The following IQCM variants were observed in gnomAD, a reference collection of about 807,000 sequenced individuals.
IQCM encodes IQ domain-containing protein M.
IQCM carries 45 observed loss-of-function variants against 57.6 expected under a neutral mutation model. The ratio of observed to expected loss-of-function variants is 0.78; its 90% CI spans 0.62 to 1.00. The LOEUF (loss-of-function observed/expected upper bound fraction) is 1.00. Ranked by LOEUF, IQCM falls within the 50% of genes least tolerant of loss-of-function variation. IQCM has a pLI of 0.00. For missense variants in IQCM, 468 were observed against 511.6 expected (o/e 0.91, Z 0.82); for synonymous variants, 148 against 158.9 (o/e 0.93, Z 0.51).
At chr4:149,747,268 G>A (rs1768014436) in intron 2 of IQCM, among the ~76,000 whole-genome samples, 1 of 152,160 alleles carries the variant, frequency 6.6e-6, no homozygotes, top group East Asian at 1.9e-4. Context: ...AATGTGCAAA[G>A]GTATACAGTC....
chr4:149,649,224 C>T (rs1758939789), intron 7 of IQCM, among the ~76,000 whole-genome samples: 1 of 151,928 alleles, frequency 6.6e-6, no homozygotes, highest in Non-Finnish European at 1.5e-5. Flanking sequence ...GGGTCCTTTC[C>T]TTAACAGTTC....
chr4:149,526,275 C>T lies in IQCM; in HGVS notation c.1228+22180G>A, dbSNP rs1026196484. Among the ~76,000 whole-genome samples, 44 of 151,974 alleles carry T rather than the reference C, an allele frequency of 2.9e-4. 1 individual carries two copies. The highest frequency in any genetic ancestry group is 9.2e-4 in the African/African-American group (38 of 41,522). On this transcript the variant is annotated intron_variant, in intron 12 of 13. Coordinates refer to ENST00000636793, the MANE Select transcript of IQCM (RefSeq NM_001363507.2). The stretch of plus-strand genomic sequence containing the variant: ...TAAATTCTGACTAACTGGAGAATGA[C>T]TGAATAGAATGGGGTATATTTATAT...
intron 5 of IQCM, among the ~76,000 whole-genome samples, chr4:149,723,386 CA>C (rs1157113589): frequency 6.6e-6 from 1 of 151,956 alleles, no homozygotes; most frequent in Non-Finnish European, 1.5e-5. Flanking sequence ...GAAATGTTTT[CA>C]ACCTTTCATT....
intron 13 of IQCM, among the ~76,000 whole-genome samples, chr4:149,403,051 C>G (rs942389174): frequency 2.6e-4 from 39 of 152,030 alleles, no homozygotes; most frequent in African/African-American, 9.4e-4. Flanking sequence ...CCTCAGATGT[C>G]ATTCGTATTT....
intron 12 of IQCM, among the ~76,000 whole-genome samples, chr4:149,495,409 T>C (rs1028920667): frequency 1.3e-5 from 2 of 152,090 alleles, no homozygotes; most frequent in Non-Finnish European, 2.9e-5. Flanking sequence ...GTCTAGAATA[T>C]AGTGACAAGC....
At chr4:149,353,866 C>T (rs1228046401) in intron 13 of IQCM, among the ~76,000 whole-genome samples, 1 of 152,096 alleles carries the variant, frequency 6.6e-6, no homozygotes, top group Non-Finnish European at 1.5e-5. Flanking sequence ...AATGCTCAAC[C>T]TGAGGACCAC....
intron 12 of IQCM, among the ~76,000 whole-genome samples, chr4:149,526,073 A>G (rs185937976): frequency 7.4e-4 from 112 of 152,066 alleles, no homozygotes; most frequent in Non-Finnish European, 1.4e-3. Context: ...TAGAAATAAA[A>G]AGATGTGCTC....
At chr4:149,357,741 A>T (rs1022837215) in intron 13 of IQCM, among the ~76,000 whole-genome samples, 1 of 152,190 alleles carries the variant, frequency 6.6e-6, no homozygotes, top group Admixed American at 6.5e-5. Flanking sequence ...CTTTGGTATC[A>T]GGATGATGTT....
At chr4:149,742,581 A>G (rs750571809) in intron 3 of IQCM, 74 bp downstream of exon 3, 1 of 833,078 alleles carries the variant, frequency 1.2e-6, no homozygotes, top group Non-Finnish European at 1.6e-6. Context: ...AGGGTCACTA[A>G]TTAATAGAAA....
At chr4:149,446,520 GA>G (rs1329111878) in intron 12 of IQCM, among the ~76,000 whole-genome samples, 1 of 151,608 alleles carries the variant, frequency 6.6e-6, no homozygotes, top group Non-Finnish European at 1.5e-5. Context: ...AGGCATGTGG[GA>G]AAACTTGAGA....
chr4:149,575,160 C>T (rs1213824079), intron 9 of IQCM, among the ~76,000 whole-genome samples: 1 of 151,894 alleles, frequency 6.6e-6, no homozygotes, highest in African/African-American at 2.4e-5. Context: ...ACATGTGATA[C>T]TCTTGTGCTT....
chr4:149,359,237 A>T (rs1729302376), intron 13 of IQCM, among the ~76,000 whole-genome samples: 1 of 152,158 alleles, frequency 6.6e-6, no homozygotes, highest in Admixed American at 6.6e-5. Context: ...ATGTCATAAA[A>T]GCATATTTTA....
intron 9 of IQCM, among the ~76,000 whole-genome samples, chr4:149,579,994 G>A (rs1046238673): frequency 6.6e-6 from 1 of 151,782 alleles, no homozygotes; most frequent in African/African-American, 2.4e-5. Flanking sequence ...CTCTAGCTTA[G>A]TACTCAAAGT....
intron 10 of IQCM, among the ~76,000 whole-genome samples, chr4:149,555,360 T>G (rs17026306): frequency 0.021 from 3,110 of 146,538 alleles, 62 homozygotes; most frequent in African/African-American, 0.049. Flanking sequence ...CCTCTTCTGT[T>G]GCTAGGATGC....
intron 12 of IQCM, among the ~76,000 whole-genome samples, chr4:149,462,434 T>A (rs1328194935): frequency 6.6e-6 from 1 of 152,144 alleles, no homozygotes; most frequent in Non-Finnish European, 1.5e-5. Context: ...TCCCTGACCA[T>A]CTAAAAACAT....
intron 13 of IQCM, among the ~76,000 whole-genome samples, chr4:149,396,374 C>T (rs1174331119): frequency 1.3e-5 from 2 of 151,304 alleles, no homozygotes; most frequent in Admixed American, 1.3e-4. Context: ...AATGTTCTTA[C>T]CATAATTTTA....
intron 13 of IQCM, chr4:149,430,156 T>C (rs1734726783): frequency 1.1e-5 from 5 of 475,462 alleles, no homozygotes; most frequent in Admixed American, 4.5e-5. Flanking sequence ...TAGGCTATTA[T>C]AGAACTGAGC....
At chr4:149,576,307 C>T (rs192886063) in intron 9 of IQCM, among the ~76,000 whole-genome samples, 52 of 151,908 alleles carry the variant, frequency 3.4e-4, no homozygotes, top group Admixed American at 7.9e-4. Flanking sequence ...TCCTCCCACT[C>T]TCCACCCTGA....
intron 12 of IQCM, among the ~76,000 whole-genome samples, chr4:149,468,497 G>A (rs962970311): frequency 2.0e-5 from 3 of 152,188 alleles, no homozygotes; most frequent in African/African-American, 7.2e-5. Context: ...ACTGGGTGGA[G>A]CCAACCACAG....
Sources: gnomAD v4.1 joint callset for allele counts (sites outside exome capture counted in the v4.1 genomes callset) on GRCh38, gnomAD v4.1.1 for gene constraint, MANE v1.5 for transcripts, NCBI Gene and HGNC (gene_info 2026-07-23, HGNC 2026-07-21) for gene names.